ZMAT4: variants seen among roughly 807,000 people sequenced by gnomAD.
ZMAT4 encodes the protein zinc finger matrin-type 4, also known as zinc finger matrin-type protein 4.
A neutral mutation model predicts 28.7 loss-of-function variants in ZMAT4; 17 were observed. That is an observed-to-expected ratio of 0.59 (90% CI 0.41 to 0.89). The LOEUF is 0.89. ZMAT4 is among the 40% of genes least tolerant of loss of function. ZMAT4 has a pLI of 0.00. For missense variants in ZMAT4, 240 were observed against 283.8 expected (o/e 0.85, Z 1.11); for synonymous variants, 117 against 109.2 (o/e 1.07, Z -0.44).
intron 1 of ZMAT4, among the ~76,000 whole-genome samples, chr8:40,881,248 G>A (rs947958733): frequency 8.6e-5 from 13 of 151,506 alleles, no homozygotes; most frequent in East Asian, 1.9e-4. Context: ...TATTAGCCAC[G>A]CATGGTGGTG....
intron 2 of ZMAT4, among the ~76,000 whole-genome samples, chr8:40,800,104 G>C (rs1036397318): frequency 6.6e-6 from 1 of 152,190 alleles, no homozygotes; most frequent in South Asian, 2.1e-4. Context: ...CAGCATTTGA[G>C]TCAACGATGG....
intron 1 of ZMAT4, among the ~76,000 whole-genome samples, chr8:40,846,729 C>G (rs530140638): frequency 6.6e-6 from 1 of 152,148 alleles, no homozygotes; most frequent in Non-Finnish European, 1.5e-5. Context: ...AGGGCAGACC[C>G]GCACAGCTGC....
At chr8:40,889,946 A>G (rs1349530424) in intron 1 of ZMAT4, among the ~76,000 whole-genome samples, 5 of 152,232 alleles carry the variant, frequency 3.3e-5, no homozygotes, top group Admixed American at 6.5e-5. Flanking sequence ...CTCATTTCAC[A>G]TATCCACCAG....
chr8:40,788,453 C>T (rs528616178), intron 2 of ZMAT4, among the ~76,000 whole-genome samples: 10 of 152,044 alleles, frequency 6.6e-5, no homozygotes, highest in Non-Finnish European at 1.3e-4. Flanking sequence ...GGCGTGGTGG[C>T]GGGTGCCTGT....
chr8:40,861,863 C>T (rs200505116), intron 1 of ZMAT4, among the ~76,000 whole-genome samples: 9,716 of 152,208 alleles, frequency 0.064, 338 homozygotes, highest in Non-Finnish European at 0.068. Context: ...ATCAAAACCA[C>T]AATGAGATAC....
intron 1 of ZMAT4, among the ~76,000 whole-genome samples, chr8:40,842,302 C>T (rs945925891): frequency 1.2e-4 from 18 of 152,184 alleles, no homozygotes; most frequent in Non-Finnish European, 7.4e-5. Context: ...AACAGGGCAG[C>T]GATTCAAGCC....
At chr8:40,796,923 G>T (rs1814624857) in intron 2 of ZMAT4, among the ~76,000 whole-genome samples, 1 of 152,132 alleles carries the variant, frequency 6.6e-6, no homozygotes, top group Admixed American at 6.5e-5. Context: ...AGGCCTTCCA[G>T]CCCCATAACT....
intron 5 of ZMAT4, among the ~76,000 whole-genome samples, chr8:40,644,391 GA>G (rs1171639287): frequency 6.6e-6 from 1 of 151,854 alleles, no homozygotes; most frequent in Non-Finnish European, 1.5e-5. Context: ...AGGAAGTACA[GA>G]AAAAACCACA....
intron 1 of ZMAT4, among the ~76,000 whole-genome samples, chr8:40,874,094 T>G (rs1817954218): frequency 6.6e-6 from 1 of 152,188 alleles, no homozygotes; most frequent in African/African-American, 2.4e-5. Flanking sequence ...TCTTGCTGCT[T>G]CTTTTCTGTA....
At chr8:40,705,028 T>C (rs1810294999) in intron 3 of ZMAT4, among the ~76,000 whole-genome samples, 1 of 152,186 alleles carries the variant, frequency 6.6e-6, no homozygotes, top group Non-Finnish European at 1.5e-5. Flanking sequence ...GGATACAAAC[T>C]ACACACTCTG....
At chr8:40,587,946 G>T (rs1804721554) in intron 5 of ZMAT4, among the ~76,000 whole-genome samples, 1 of 151,932 alleles carries the variant, frequency 6.6e-6, no homozygotes, top group African/African-American at 2.4e-5. Context: ...GAAAGTAGAA[G>T]TGTCTGTATT....
chr8:40,698,831 C>T lies in ZMAT4; in HGVS notation c.193-1430G>A, dbSNP rs75094844. The stretch of plus-strand genomic sequence containing the variant: ...TTGCCTGAAGTTCAGGGAGAGACTT[C>T]AAACATTGGGGCTGGGATGGAGGTT... On this transcript the variant is annotated intron_variant, in intron 3 of 6. Transcript: ENST00000297737. Among the ~76,000 whole-genome samples the T allele has an allele frequency of 9.2e-3, 1,405 of 151,896 alleles. 17 individuals are homozygous for T. The highest frequency in any genetic ancestry group is 0.033 in the African/African-American group (1,352 of 41,426).
At chr8:40,584,952 G>A (rs1804618454) in intron 5 of ZMAT4, among the ~76,000 whole-genome samples, 1 of 152,108 alleles carries the variant, frequency 6.6e-6, no homozygotes, top group African/African-American at 2.4e-5. Context: ...CTTTCCGATT[G>A]CATCAAATCC....
At chr8:40,651,164 A>T (rs1401062454) in intron 5 of ZMAT4, among the ~76,000 whole-genome samples, 12 of 152,086 alleles carry the variant, frequency 7.9e-5, no homozygotes, top group Non-Finnish European at 1.0e-4. Context: ...ACATGATTGT[A>T]TATCTAGAAA....
At chr8:40,716,722 GT>G (rs1271212904) in intron 3 of ZMAT4, among the ~76,000 whole-genome samples, 82 of 152,110 alleles carry the variant, frequency 5.4e-4, no homozygotes, top group African/African-American at 1.9e-3. Context: ...GAGAGAGTCA[GT>G]TTGATTAGGG....
At chr8:40,582,264 G>T (rs1804490838) in intron 5 of ZMAT4, among the ~76,000 whole-genome samples, 1 of 152,154 alleles carries the variant, frequency 6.6e-6, no homozygotes, top group Admixed American at 6.6e-5. Flanking sequence ...GATTTGGGAG[G>T]CCGAGGCAGG....
chr8:40,782,510 TA>T (rs1362208652), intron 2 of ZMAT4, among the ~76,000 whole-genome samples: 1 of 152,188 alleles, frequency 6.6e-6, no homozygotes, highest in African/African-American at 2.4e-5. Flanking sequence ...CCCAAATGTG[TA>T]AACAATTTTT....
intron 2 of ZMAT4, among the ~76,000 whole-genome samples, chr8:40,815,902 C>T (rs919927801): frequency 3.9e-5 from 6 of 152,168 alleles, no homozygotes; most frequent in African/African-American, 7.2e-5. Flanking sequence ...ACGGCAGCTC[C>T]CAAACACTCG....
At chr8:40,756,455 T>TATATATATATAC (rs1171649512) in intron 3 of ZMAT4, among the ~76,000 whole-genome samples, 2 of 122,652 alleles carry the variant, frequency 1.6e-5, no homozygotes, top group South Asian at 2.8e-4. Context: ...TATATATATA[T>TATATATATATAC]ATACACACTT....
Sources: allele counts gnomAD v4.1 joint callset (sites outside exome capture counted in the v4.1 genomes callset), GRCh38; gene constraint gnomAD v4.1.1; transcripts MANE v1.5; gene names NCBI Gene and HGNC (gene_info 2026-07-23, HGNC 2026-07-21).